The following ADARB2 variants were observed in gnomAD, a reference collection of about 807,000 sequenced individuals.
ADARB2 encodes adenosine deaminase RNA specific B2 (inactive).
A neutral mutation model predicts 62.2 loss-of-function variants in ADARB2; 25 were observed. The observed-to-expected ratio is 0.40, with a 90% CI of 0.29 to 0.56. The LOEUF (loss-of-function observed/expected upper bound fraction) is 0.56, where lower values mean the gene tolerates loss of function less well. ADARB2 is among the 20% of genes least tolerant of loss of function. The pLI, the probability that ADARB2 is intolerant of heterozygous loss-of-function variation, is 0.43. For synonymous variants in ADARB2, 572 were observed against 500.8 expected (o/e 1.14, Z -1.90); for missense variants, 1,071 against 1,077.4 (o/e 0.99, Z 0.08).
rs115342112 is a variant in ADARB2 at position 1,249,790 on chromosome 10, G to A, written c.1193-7491C>T. ...GGGGCAGGTAACACAAGCACTGTCTGAACATGTTATGATTCTGTGTCTGGA... is the reference window on the plus strand; with the variant it reads ...GGGGCAGGTAACACAAGCACTGTCTAAACATGTTATGATTCTGTGTCTGGA... On this transcript the variant is annotated intron_variant, in intron 4 of 9. Transcript: ENST00000381312. Among the ~76,000 whole-genome samples the A allele has an allele frequency of 4.2e-3, 645 of 152,110 alleles. 4 individuals are homozygous for A. The highest frequency in any genetic ancestry group is 0.015 in the African/African-American group (629 of 41,536).
intron 1 of ADARB2, among the ~76,000 whole-genome samples, chr10:1,625,626 G>A (rs1833756693): frequency 1.3e-5 from 2 of 152,190 alleles, no homozygotes; most frequent in Non-Finnish European, 2.9e-5. Context: ...GGGAAGGCAT[G>A]GTGAGTGTCC....
At chr10:1,578,569 C>T (rs1426700468) in intron 1 of ADARB2, among the ~76,000 whole-genome samples, 1 of 151,838 alleles carries the variant, frequency 6.6e-6, no homozygotes, top group African/African-American at 2.4e-5. Flanking sequence ...TGGAGGCTCC[C>T]CTGGCAGCCG....
chr10:1,250,308 G>A (rs1474778096), intron 4 of ADARB2, among the ~76,000 whole-genome samples: 1 of 151,978 alleles, frequency 6.6e-6, no homozygotes, highest in Non-Finnish European at 1.5e-5. Flanking sequence ...TGGCGGTGTT[G>A]GGGGGTGATG....
At chr10:1,198,987 G>A (rs1030109682) in intron 8 of ADARB2, among the ~76,000 whole-genome samples, 1 of 152,228 alleles carries the variant, frequency 6.6e-6, no homozygotes, top group Admixed American at 6.5e-5. Flanking sequence ...AAAGAGCGGG[G>A]ATGGCCTAAG....
Position 1,737,115 on chromosome 10 carries a change from T to C in ADARB2, c.36A>G (p.Gly12=). ...ASVLGSGRGS[G]GLSSQLKCKS... is the part of the protein sequence containing the mutation. ...TGCATTTGAGTTGACTGCTCAGCCCTCCAGACCCTCTGCCGCTCCCCAGGA... is the reference window on the plus strand; with the variant it reads ...TGCATTTGAGTTGACTGCTCAGCCCCCCAGACCCTCTGCCGCTCCCCAGGA... The change falls in exon 1 of 10, where the codon GGA becomes GGG. Residue 12 remains glycine, a synonymous_variant. Transcript: ENST00000381312. The C allele has an allele frequency of 6.2e-7, 1 of 1,610,750 alleles. No individual in the cohort carries two copies. The highest frequency in any genetic ancestry group is 1.3e-5 in the African/African-American group (1 of 74,992).
rs1485559423 is a variant in ADARB2 at position 1,179,303 on chromosome 10, G to C, written c.*3890C>G. On this transcript the variant is annotated 3_prime_UTR_variant, in exon 10 of 10. Transcript: ENST00000381312. Reference sequence around the variant, plus strand: ...ATGATCTGTGTGTTTCTTTGAAAAGGAACCCAGCTTGATGTTTCTGAGGAA... The same window carrying C: ...ATGATCTGTGTGTTTCTTTGAAAAGCAACCCAGCTTGATGTTTCTGAGGAA... 1 of 152,164 alleles carries C rather than the reference G, an allele frequency of 6.6e-6. No homozygotes were observed. Among genetic ancestry groups the C allele is most frequent in the Non-Finnish European group, 1.5e-5 (1 of 68,038 alleles). 9.4% of individuals were successfully genotyped at this position (152,164 alleles called of 1,614,324 possible).
At chr10:1,246,391 T>C (rs1162126937) in intron 4 of ADARB2, among the ~76,000 whole-genome samples, 2 of 124,490 alleles carry the variant, frequency 1.6e-5, no homozygotes, top group East Asian at 5.0e-4. Flanking sequence ...CTGTTGGTGT[T>C]TTGGACATGA....
intron 1 of ADARB2, among the ~76,000 whole-genome samples, chr10:1,689,988 T>C (rs1022559753): frequency 5.3e-5 from 8 of 152,004 alleles, no homozygotes; most frequent in Non-Finnish European, 7.4e-5. Context: ...TTTTTTGTTT[T>C]TGTTTTTTGT....
intron 1 of ADARB2, among the ~76,000 whole-genome samples, chr10:1,525,440 TTCCTTGACTGAAACATTGGTA>T (rs1231779115): frequency 1.3e-5 from 2 of 152,226 alleles, no homozygotes; most frequent in African/African-American, 4.8e-5. Flanking sequence ...CTCTAATTTT[TTCCTTGACTGAAACATTGGTA>T]TCTCTGTTTC....
intron 1 of ADARB2, among the ~76,000 whole-genome samples, chr10:1,546,536 T>G (rs1462605765): frequency 6.6e-6 from 1 of 152,194 alleles, no homozygotes; most frequent in African/African-American, 2.4e-5. Flanking sequence ...GGCTCTCCAA[T>G]CACAACACTG....
intron 2 of ADARB2, among the ~76,000 whole-genome samples, chr10:1,365,709 T>C (rs1406389110): frequency 1.3e-5 from 2 of 152,210 alleles, no homozygotes; most frequent in Non-Finnish European, 2.9e-5. Context: ...TTTTGGGAGC[T>C]TCGGGCAAGA....
chr10:1,660,070 C>A (rs1319574515), intron 1 of ADARB2, among the ~76,000 whole-genome samples: 10 of 152,192 alleles, frequency 6.6e-5, no homozygotes, highest in Admixed American at 3.9e-4. Flanking sequence ...CCTGCCTGGG[C>A]AACCCATCAT....
chr10:1,620,370 G>A (rs1272435421), intron 1 of ADARB2, among the ~76,000 whole-genome samples: 2 of 152,274 alleles, frequency 1.3e-5, no homozygotes, highest in East Asian at 1.9e-4. Context: ...TGGCCCAAAT[G>A]AGGCAACTTA....
Position 1,184,875 on chromosome 10 carries a change from G to A in ADARB2, c.2029C>T (p.Arg677Trp), listed in dbSNP as rs369823256. ...CKHVLSARWA[R>W]LYGRLSTRTP... ...GTGCGACCTACCCTGCCATACAGCC[G>A]CGCCCACCGTGCAGACAGCACGTGC... The change falls in exon 9 of 10, where the codon CGG (arginine) becomes TGG (tryptophan). Residue 677 changes from arginine (R) to tryptophan (W), a missense_variant. By Grantham distance (101) the Arg-to-Trp change is moderately radical. Transcript: ENST00000381312. 255 of 1,613,248 alleles carry A rather than the reference G, an allele frequency of 1.6e-4. No homozygotes were observed. The highest frequency in any genetic ancestry group is 4.9e-4 in the Middle Eastern group (3 of 6,068).
intron 3 of ADARB2, among the ~76,000 whole-genome samples, chr10:1,347,397 T>C (rs527563990): frequency 4.1e-4 from 62 of 152,350 alleles, no homozygotes; most frequent in African/African-American, 1.4e-3. Flanking sequence ...TGTGAGCGAC[T>C]GCTTTTGGTA....
intron 1 of ADARB2, among the ~76,000 whole-genome samples, chr10:1,633,882 G>A (rs578200449): frequency 2.0e-5 from 3 of 152,232 alleles, no homozygotes; most frequent in East Asian, 3.9e-4. Context: ...GAAGCCCGAG[G>A]GAGTGTCCTG....
intron 1 of ADARB2, among the ~76,000 whole-genome samples, chr10:1,572,529 A>G (rs936962822): frequency 3.9e-5 from 6 of 152,126 alleles, no homozygotes; most frequent in African/African-American, 1.4e-4. Context: ...GTTTGTATAG[A>G]AGAGACAAGT....
chr10:1,516,217 T>C (rs1832006752), intron 1 of ADARB2, among the ~76,000 whole-genome samples: 1 of 152,104 alleles, frequency 6.6e-6, no homozygotes, highest in South Asian at 2.1e-4. Context: ...TGCAGCTGCG[T>C]CCCTTACCCT....
chr10:1,518,422 G>A (rs1015554959), intron 1 of ADARB2, among the ~76,000 whole-genome samples: 1 of 152,196 alleles, frequency 6.6e-6, no homozygotes, highest in African/African-American at 2.4e-5. Context: ...TGGAAACGTA[G>A]CCTGTGAGGA....
Sources: gnomAD v4.1 joint callset for allele counts (sites outside exome capture counted in the v4.1 genomes callset) on GRCh38, gnomAD v4.1.1 for gene constraint, MANE v1.5 for transcripts, NCBI Gene and HGNC (gene_info 2026-07-23, HGNC 2026-07-21) for gene names.